DNAAF11: variants seen among roughly 807,000 people sequenced by gnomAD.
DNAAF11 encodes the protein dynein axonemal assembly factor 11.
A neutral mutation model predicts 60.8 loss-of-function variants in DNAAF11; 45 were observed. That is an observed-to-expected ratio of 0.74 (90% CI 0.58 to 0.95). The LOEUF (loss-of-function observed/expected upper bound fraction) is 0.95, where lower values mean the gene tolerates loss of function less well. Ranked by LOEUF, DNAAF11 falls within the 40% of genes least tolerant of loss-of-function variation. The probability of loss-of-function intolerance (pLI) is 0.00; values close to 1 mark genes in which losing one functional copy is unlikely to be tolerated. For missense variants in DNAAF11, 546 were observed against 546.2 expected (o/e 1.00, Z 0.00); for synonymous variants, 191 against 183.5 (o/e 1.04, Z -0.33).
chr8:132,629,184 G>A (rs1820561484), intron 5 of DNAAF11, among the ~76,000 whole-genome samples: 1 of 152,030 alleles, frequency 6.6e-6, no homozygotes, highest in South Asian at 2.1e-4. Context: ...TCAATATAAT[G>A]CATGTGATGA....
At chr8:132,648,424 G>A (rs1822627432) in intron 3 of DNAAF11, among the ~76,000 whole-genome samples, 1 of 152,102 alleles carries the variant, frequency 6.6e-6, no homozygotes, top group African/African-American at 2.4e-5. Flanking sequence ...GCAAAAACTG[G>A]AAGCATTCCC....
Position 132,572,481 on chromosome 8 carries a change from C to A in DNAAF11, c.1227-1G>T. The A allele has an allele frequency of 6.4e-7, 1 of 1,571,358 alleles. No individual in the cohort carries two copies. On this transcript the variant is annotated splice_acceptor_variant, in intron 11 of 11. Coordinates refer to ENST00000620350, the MANE Select transcript of DNAAF11 (RefSeq NM_012472.6). LOFTEE classifies it high-confidence loss of function. The stretch of plus-strand genomic sequence containing the variant: ...TTCTAGTTTCTCCATGTGCTTGCTT[C>A]TATAACAACAAAAAAAGACAAACAG...
At chr8:132,614,235 G>C (rs1204563653) in intron 8 of DNAAF11, among the ~76,000 whole-genome samples, 4 of 152,192 alleles carry the variant, frequency 2.6e-5, no homozygotes, top group Non-Finnish European at 4.4e-5. Context: ...TGACATCTGA[G>C]CAGAGGCCTG....
rs925295631 is a variant in DNAAF11, at chr8:132,620,583, C to T, written c.914+2028G>A. Among the ~76,000 whole-genome samples the T allele has an allele frequency of 9.2e-5, 14 of 152,296 alleles. No homozygotes were observed. In the East Asian group the frequency reaches 1.2e-3, roughly 13 times the overall value. On this transcript the variant is annotated intron_variant, in intron 7 of 11. Transcript: ENST00000620350. ...CTACTGACCTCAAGTGATCTGCCTG[C>T]CTCGGTCTCCCAAAGTGCTGGGATT...
At chr8:132,584,422 G>A (rs1193008208) in intron 10 of DNAAF11, among the ~76,000 whole-genome samples, 1 of 152,138 alleles carries the variant, frequency 6.6e-6, no homozygotes, top group Non-Finnish European at 1.5e-5. Context: ...CATCAGAGAG[G>A]GGAAGGAAAA....
At chr8:132,700,498 GA>G in the DNAAF11 span, among the ~76,000 whole-genome samples, 1 of 136,724 alleles carries the variant, frequency 7.3e-6, no homozygotes, top group Non-Finnish European at 1.6e-5. Context: ...CCAGCCTGGG[GA>G]AAAAAGTAAG....
chr8:132,654,040 T>C (rs1340880683), intron 3 of DNAAF11, among the ~76,000 whole-genome samples: 1 of 151,904 alleles, frequency 6.6e-6, no homozygotes, highest in African/African-American at 2.4e-5. Context: ...GATTCAAAGA[T>C]AGAAATAGTT....
At chr8:132,669,352 T>C (rs1824948645) in intron 1 of DNAAF11, among the ~76,000 whole-genome samples, 1 of 152,164 alleles carries the variant, frequency 6.6e-6, no homozygotes, top group Non-Finnish European at 1.5e-5. Flanking sequence ...AGGCAGAACA[T>C]AGATAGTGCC....
At chr8:132,623,007 T>C (rs887012916) in intron 6 of DNAAF11, among the ~76,000 whole-genome samples, 5 of 152,180 alleles carry the variant, frequency 3.3e-5, no homozygotes, top group Non-Finnish European at 7.4e-5. Flanking sequence ...AGTAAGTCTA[T>C]TTTATACATG....
At chr8:132,680,973 C>T in the DNAAF11 span, among the ~76,000 whole-genome samples, 14 of 135,292 alleles carry the variant, frequency 1.0e-4, no homozygotes, top group African/African-American at 3.4e-4. Context: ...TGGCAAAAAC[C>T]GCAATTAGTT....
At chr8:132,585,631 A>G (rs983901133) in intron 10 of DNAAF11, among the ~76,000 whole-genome samples, 1 of 152,232 alleles carries the variant, frequency 6.6e-6, no homozygotes, top group African/African-American at 2.4e-5. Flanking sequence ...AGTCTGCACT[A>G]CAAAACTCAT....
chr8:132,575,540 T>C (rs1256386394), intron 11 of DNAAF11, among the ~76,000 whole-genome samples: 1 of 152,122 alleles, frequency 6.6e-6, no homozygotes, highest in Non-Finnish European at 1.5e-5. Context: ...ACTGGGCTAC[T>C]TTGCACCAGC....
intron 4 of DNAAF11, among the ~76,000 whole-genome samples, chr8:132,636,210 T>C (rs970077835): frequency 1.2e-4 from 15 of 126,124 alleles, no homozygotes; most frequent in Non-Finnish European, 2.7e-4. Flanking sequence ...GTAGTAAACA[T>C]ATGAATACCA....
intron 3 of DNAAF11, chr8:132,643,228 C>T (rs1240501490): frequency 5.9e-6 from 1 of 169,194 alleles, no homozygotes; most frequent in East Asian, 1.5e-4. Flanking sequence ...TAGAGAGTCT[C>T]TTTGCCAGTG....
intron 6 of DNAAF11, among the ~76,000 whole-genome samples, chr8:132,624,154 GT>G (rs1820028187): frequency 1.3e-5 from 2 of 152,290 alleles, no homozygotes; most frequent in Middle Eastern, 3.4e-3. Context: ...GTAAGAAATA[GT>G]TCACATTCTA....
chr8:132,632,770 C>T lies in DNAAF11; in HGVS notation c.623G>A (p.Gly208Glu). The T allele has an allele frequency of 3.1e-6, 5 of 1,612,454 alleles. No homozygotes were observed. The highest frequency in any genetic ancestry group is 4.2e-6 in the Non-Finnish European group (5 of 1,178,514). The change falls in exon 5 of 12, where the codon GGA becomes GAA. Residue 208 changes from glycine (G) to glutamate (E), a missense_variant. Coordinates refer to ENST00000620350, the MANE Select transcript of DNAAF11 (RefSeq NM_012472.6). ...EDKRSNAGFD[G>E]RWYTDINATL... is the part of the protein sequence containing the mutation. ...AGCATTGATGTCTGTGTACCAACGTCCATCAAAGCCTGCGTTACTTCTCTT... is the reference window on the plus strand; with the variant it reads ...AGCATTGATGTCTGTGTACCAACGTTCATCAAAGCCTGCGTTACTTCTCTT...
chr8:132,608,473 GA>G, intron 10 of DNAAF11: 2 of 450,458 alleles, frequency 4.4e-6, no homozygotes, highest in South Asian at 1.6e-5. Context: ...AAACATAAAG[GA>G]AAAGGGGAAA....
At chr8:132,656,732 A>G (rs1270793519) in intron 3 of DNAAF11, 98 bp downstream of exon 3, 13 of 570,326 alleles carry the variant, frequency 2.3e-5, no homozygotes, top group Non-Finnish European at 3.8e-5. Context: ...TTGGCCTCCC[A>G]AAGTGCTGGG....
the DNAAF11 span, among the ~76,000 whole-genome samples, chr8:132,690,560 C>T: frequency 6.6e-6 from 1 of 152,142 alleles, no homozygotes. Context: ...ATATTTGTTA[C>T]AATCAAATAA....
Sources: gnomAD v4.1 joint callset for allele counts (sites outside exome capture counted in the v4.1 genomes callset) on GRCh38, gnomAD v4.1.1 for gene constraint, MANE v1.5 for transcripts, NCBI Gene and HGNC (gene_info 2026-07-23, HGNC 2026-07-21) for gene names.